The following LRP1B variants were observed in gnomAD, a reference collection of about 807,000 sequenced individuals.
The protein encoded by LRP1B is LDL receptor related protein 1B.
Under a neutral mutation model 556.6 loss-of-function variants are expected in LRP1B, and 217 were observed. That is an observed-to-expected ratio of 0.39 (90% confidence interval 0.35 to 0.44). The LOEUF is 0.44. Among genes scored for constraint, LRP1B ranks in the 20% least tolerant of loss-of-function variants. The probability of loss-of-function intolerance (pLI) is 1.00; values close to 1 mark genes in which losing one functional copy is unlikely to be tolerated. For synonymous variants in LRP1B, 2,047 were observed against 1,865.8 expected (o/e 1.10, Z -2.50); for missense variants, 5,053 against 5,620.8 (o/e 0.90, Z 3.23).
intron 2 of LRP1B, among the ~76,000 whole-genome samples, chr2:141,675,954 T>C (rs1455610124): frequency 6.6e-6 from 1 of 152,020 alleles, no homozygotes; most frequent in Non-Finnish European, 1.5e-5. Flanking sequence ...AAGATAAAGT[T>C]AGCAAGATTA....
chr2:141,514,035 T>C (rs1015013792), intron 2 of LRP1B, among the ~76,000 whole-genome samples: 3 of 152,166 alleles, frequency 2.0e-5, no homozygotes, highest in African/African-American at 7.2e-5. Flanking sequence ...AGACTCTGCC[T>C]CCTCTCAGTT....
At chr2:141,889,789 G>A (rs142084439) in intron 1 of LRP1B, among the ~76,000 whole-genome samples, 3 of 152,088 alleles carry the variant, frequency 2.0e-5, no homozygotes, top group African/African-American at 7.2e-5. Context: ...AATGGAAGCA[G>A]GACACTGTGC....
At chr2:140,839,099 T>C (rs900033997) in intron 31 of LRP1B, among the ~76,000 whole-genome samples, 5 of 152,178 alleles carry the variant, frequency 3.3e-5, no homozygotes, top group African/African-American at 1.2e-4. Flanking sequence ...TTATCAATAA[T>C]GACACAATAA....
intron 2 of LRP1B, among the ~76,000 whole-genome samples, chr2:141,685,550 T>C (rs1285527212): frequency 6.6e-6 from 1 of 152,004 alleles, no homozygotes; most frequent in African/African-American, 2.4e-5. Context: ...GGTAAAGGAA[T>C]TTTACAAATG....
intron 25 of LRP1B, among the ~76,000 whole-genome samples, chr2:140,873,323 C>G (rs1693200587): frequency 6.6e-6 from 1 of 152,022 alleles, no homozygotes; most frequent in South Asian, 2.1e-4. Context: ...ATAAAAACAG[C>G]TGCATCTTAA....
intron 3 of LRP1B, among the ~76,000 whole-genome samples, chr2:141,478,154 TTTG>T (rs1310403277): frequency 1.3e-5 from 2 of 152,186 alleles, no homozygotes; most frequent in African/African-American, 2.4e-5. Flanking sequence ...GTTCAAATAC[TTTG>T]TTTTTATTTG....
chr2:141,796,578 C>CTTTTTTTTTTTTT (rs75317117), intron 2 of LRP1B, among the ~76,000 whole-genome samples: 3 of 127,576 alleles, frequency 2.4e-5, no homozygotes, highest in Admixed American at 8.1e-5. Context: ...GCATTTTATT[C>CTTTTTTTTTTTTT]TTTTTTTTTT....
chr2:141,044,715 A>G (rs1187103026), intron 11 of LRP1B, among the ~76,000 whole-genome samples: 1 of 150,942 alleles, frequency 6.6e-6, no homozygotes, highest in Non-Finnish European at 1.5e-5. Context: ...CAAAACCACA[A>G]TGAGATACCA....
At position 140,701,775 on chromosome 2, in the gene LRP1B, C is replaced by T. The variant is rs147767913; in HGVS notation, c.6373G>A (p.Gly2125Ser). 38 of 1,613,080 alleles carry T rather than the reference C, an allele frequency of 2.4e-5. No individual in the cohort carries two copies. Among genetic ancestry groups the T allele is most frequent in the Admixed American group, 1.0e-4 (6 of 59,874 alleles). The change falls in exon 40 of 91, where the codon GGC (glycine) becomes AGC (serine). Residue 2125 changes from glycine to serine, a missense_variant. Around this residue, in one of 5 missense-constraint regions of LRP1B, gnomAD observed 3,619 missense variants for 3,931.9 expected, o/e 0.92. Coordinates refer to ENST00000389484, the MANE Select transcript of LRP1B (RefSeq NM_018557.3). ...ACCTCCTTCAGGTTGACTCCAAGGC[C>T]GGTTCTCATGGTTATCGTTTCTGTG... ...DATETITMRTGLGVNLKEVKI... is the reference protein window; with the variant it reads ...DATETITMRTSLGVNLKEVKI...
chr2:141,608,146 C>A (rs111783928), intron 2 of LRP1B, among the ~76,000 whole-genome samples: 1 of 152,066 alleles, frequency 6.6e-6, no homozygotes, highest in Non-Finnish European at 1.5e-5. Context: ...ATCGCTTGAA[C>A]CCGGGAGGTG....
intron 2 of LRP1B, among the ~76,000 whole-genome samples, chr2:141,671,984 C>G (rs1690689749): frequency 6.6e-6 from 1 of 151,774 alleles, no homozygotes; most frequent in Non-Finnish European, 1.5e-5. Context: ...CTCTCTATAT[C>G]CAGGGAGGCA....
intron 3 of LRP1B, among the ~76,000 whole-genome samples, chr2:141,289,867 C>T (rs532986807): frequency 6.6e-6 from 1 of 152,190 alleles, no homozygotes; most frequent in African/African-American, 2.4e-5. Context: ...CTACTTCTAC[C>T]TTATATATGT....
At chr2:141,087,110 G>T (rs1446107998) in intron 7 of LRP1B, among the ~76,000 whole-genome samples, 1 of 152,104 alleles carries the variant, frequency 6.6e-6, no homozygotes, top group Non-Finnish European at 1.5e-5. Flanking sequence ...TAGAGTTGAT[G>T]AAACCAGTTG....
chr2:142,115,670 TGTAA>T (rs1379692021), intron 1 of LRP1B, among the ~76,000 whole-genome samples: 3 of 7,824 alleles, frequency 3.8e-4, no homozygotes, highest in Non-Finnish European at 6.9e-4. Context: ...AATATATATA[TGTAA>T]TATATATATA....
chr2:140,780,664 T>A (rs1360911540), intron 32 of LRP1B, among the ~76,000 whole-genome samples: 3 of 152,164 alleles, frequency 2.0e-5, no homozygotes, highest in Non-Finnish European at 4.4e-5. Context: ...CCAAGATGTA[T>A]CTCTCTGCAA....
At chr2:141,551,440 G>A (rs1359320467) in intron 2 of LRP1B, among the ~76,000 whole-genome samples, 1 of 151,854 alleles carries the variant, frequency 6.6e-6, no homozygotes, top group East Asian at 1.9e-4. Context: ...ATTAATAAAT[G>A]CCATCCAAGG....
intron 2 of LRP1B, among the ~76,000 whole-genome samples, chr2:141,800,254 C>A (rs1695967030): frequency 6.6e-6 from 1 of 152,174 alleles, no homozygotes; most frequent in East Asian, 1.9e-4. Context: ...GACAATCTTG[C>A]TCCACTAAGC....
intron 1 of LRP1B, among the ~76,000 whole-genome samples, chr2:142,033,797 T>A (rs1703784447): frequency 6.6e-6 from 1 of 151,756 alleles, no homozygotes. Context: ...AGGTAGGTAC[T>A]CCACCTTAGG....
intron 31 of LRP1B, among the ~76,000 whole-genome samples, chr2:140,828,260 T>C (rs948750597): frequency 1.3e-5 from 2 of 152,200 alleles, no homozygotes; most frequent in Non-Finnish European, 2.9e-5. Context: ...CAGTAGTAAG[T>C]CCTTACTTAT....
Sources: gnomAD v4.1 joint callset for allele counts (sites outside exome capture counted in the v4.1 genomes callset) on GRCh38, gnomAD v4.1.1 for gene constraint, gnomAD v4.1.1 regional missense constraint, MANE v1.5 for transcripts, NCBI Gene and HGNC (gene_info 2026-07-23, HGNC 2026-07-21) for gene names.